Variants in ADAM12 observed in about 807,000 individuals in gnomAD.
ADAM12 encodes ADAM metallopeptidase domain 12, also known as disintegrin and metalloproteinase domain-containing protein 12.
In ADAM12, 70 loss-of-function variants were observed where a neutral mutation model predicts 106.4. The ratio of observed to expected loss-of-function variants is 0.66; its 90% CI spans 0.54 to 0.80. The LOEUF is 0.80. Among genes scored for constraint, ADAM12 ranks in the 30% least tolerant of loss-of-function variants. ADAM12 has a pLI of 0.00. For missense variants in ADAM12, 1,010 were observed against 1,171.9 expected (o/e 0.86, Z 2.02); for synonymous variants, 420 against 433.5 (o/e 0.97, Z 0.39).
intron 21 of ADAM12, 83 bp downstream of exon 21, chr10:126,036,063 G>A: frequency 8.1e-7 from 1 of 1,237,994 alleles, no homozygotes; most frequent in Non-Finnish European, 1.0e-6. Context: ...GAGAAGTTAA[G>A]CAACTTATCT....
chr10:126,116,522 G>A (rs561274250), intron 6 of ADAM12, among the ~76,000 whole-genome samples: 1 of 151,946 alleles, frequency 6.6e-6, no homozygotes, highest in African/African-American at 2.4e-5. Flanking sequence ...AGAGGTTGGG[G>A]GGGTAATTTT....
intron 2 of ADAM12, among the ~76,000 whole-genome samples, chr10:126,316,354 CG>C (rs1284483008): frequency 6.6e-6 from 1 of 152,122 alleles, no homozygotes; most frequent in African/African-American, 2.4e-5. Flanking sequence ...AATCTCTAAT[CG>C]TAATTTCTTC....
At chr10:126,048,565 G>C (rs1246319834) in intron 16 of ADAM12, among the ~76,000 whole-genome samples, 3 of 151,804 alleles carry the variant, frequency 2.0e-5, no homozygotes, top group Admixed American at 6.6e-5. Context: ...TCAAGACCAT[G>C]TTGAAAATGG....
chr10:126,127,360 T>G (rs1956223025), intron 5 of ADAM12, among the ~76,000 whole-genome samples: 1 of 152,234 alleles, frequency 6.6e-6, no homozygotes, highest in Admixed American at 6.5e-5. Flanking sequence ...TCATATGTTC[T>G]ACTGCACTTT....
chr10:126,264,378 A>G (rs1959058889), intron 3 of ADAM12, among the ~76,000 whole-genome samples: 1 of 152,206 alleles, frequency 6.6e-6, no homozygotes, highest in Non-Finnish European at 1.5e-5. Flanking sequence ...CTCTTTCTAA[A>G]TAAATCGTCT....
chr10:126,383,134 G>C (rs1564768852), intron 1 of ADAM12, among the ~76,000 whole-genome samples: 1 of 151,864 alleles, frequency 6.6e-6, no homozygotes, highest in Non-Finnish European at 1.5e-5. Context: ...TTTTTGTTGA[G>C]ATGTGGTGGG....
intron 3 of ADAM12, among the ~76,000 whole-genome samples, chr10:126,212,133 G>A (rs780646474): frequency 1.3e-5 from 2 of 152,172 alleles, no homozygotes; most frequent in African/African-American, 2.4e-5. Context: ...GCCAGGTACC[G>A]CACTGGTGAT....
chr10:126,193,264 C>CAAAAAAAAAAAAAAAAAAAAAAAAAA (rs757716875), intron 3 of ADAM12, among the ~76,000 whole-genome samples: 1 of 26,608 alleles, frequency 3.8e-5, no homozygotes, highest in Non-Finnish European at 1.0e-4. Flanking sequence ...GACTCCATCT[C>CAAAAAAAAAAAAAAAAAAAAAAAAAA]AAAAAAAAAA....
At chr10:126,328,887 T>C (rs150769256) in intron 2 of ADAM12, among the ~76,000 whole-genome samples, 1,580 of 152,228 alleles carry the variant, frequency 0.01, 21 homozygotes, top group African/African-American at 0.036. Context: ...GGTGGTAAGC[T>C]TGGCCAGCAG....
chr10:126,141,887 G>A (rs1005013714), intron 4 of ADAM12, among the ~76,000 whole-genome samples: 4 of 152,228 alleles, frequency 2.6e-5, no homozygotes, highest in African/African-American at 9.6e-5. Flanking sequence ...TCTTGATTAA[G>A]TGCTTGAATC....
rs539643423 is a variant in ADAM12, at chr10:126,268,377, G to A, written c.260+10538C>T. On this transcript the variant is annotated intron_variant, in intron 3 of 22. Coordinates refer to ENST00000448723, the MANE Select transcript of ADAM12 (RefSeq NM_001288973.2). ...CATTTTGTGGACTGATTCATCTGTC[G>A]ATGAACACTTGGGTTGTTCCCACCT... Among the ~76,000 whole-genome samples, 5 of 152,054 alleles carry A rather than the reference G, an allele frequency of 3.3e-5. No homozygotes were observed. The South Asian group carries it at 8.3e-4, about 25-fold the overall frequency.
chr10:126,108,740 G>C (rs1348349809), intron 7 of ADAM12, 76 bp from the exon 8 acceptor site: 1 of 1,373,842 alleles, frequency 7.3e-7, no homozygotes, highest in African/African-American at 1.4e-5. Flanking sequence ...TTCTGGAAAT[G>C]TGAAGTCTTG....
At chr10:126,058,335 G>A (rs1229451247) in intron 14 of ADAM12, among the ~76,000 whole-genome samples, 3 of 152,232 alleles carry the variant, frequency 2.0e-5, no homozygotes, top group Non-Finnish European at 4.4e-5. Flanking sequence ...TGCCCTTCCC[G>A]GAGGAAGTCA....
At chr10:126,344,785 A>G (rs561926113) in intron 1 of ADAM12, among the ~76,000 whole-genome samples, 3 of 152,094 alleles carry the variant, frequency 2.0e-5, no homozygotes, top group South Asian at 2.1e-4. Context: ...CTTTGAAGCA[A>G]TTGTGAATGG....
chr10:126,039,576 T>C (rs2133406499), intron 18 of ADAM12, 147 bp from the exon 19 acceptor site: 1 of 931,454 alleles, frequency 1.1e-6, no homozygotes, highest in South Asian at 1.7e-5. Flanking sequence ...ATAAACTGTC[T>C]TACTTCAGAT....
chr10:126,067,540 C>T (rs72839977), intron 12 of ADAM12, among the ~76,000 whole-genome samples: 1,937 of 152,354 alleles, frequency 0.013, 24 homozygotes, highest in Middle Eastern at 0.044. Context: ...ATGCTGTGCT[C>T]CACACGTACC....
chr10:126,145,420 C>T (rs532254669), intron 4 of ADAM12: 81 of 152,786 alleles, frequency 5.3e-4, no homozygotes, highest in African/African-American at 1.8e-3. Flanking sequence ...TAGCCAGAAA[C>T]GTATAACCAA....
chr10:126,024,836 T>C (rs575059509), intron 21 of ADAM12, among the ~76,000 whole-genome samples: 126 of 140,386 alleles, frequency 9.0e-4, no homozygotes, highest in Admixed American at 1.6e-3. Flanking sequence ...AGGAAACAAA[T>C]AGACACATGG....
intron 3 of ADAM12, among the ~76,000 whole-genome samples, chr10:126,269,031 T>C (rs1959156283): frequency 1.3e-5 from 2 of 152,142 alleles, no homozygotes; most frequent in African/African-American, 4.8e-5. Context: ...TTTTTATGGT[T>C]ATTTCTTGAT....
Sources: gnomAD v4.1 joint callset for allele counts (sites outside exome capture counted in the v4.1 genomes callset) on GRCh38, gnomAD v4.1.1 for gene constraint, MANE v1.5 for transcripts, NCBI Gene and HGNC (gene_info 2026-07-23, HGNC 2026-07-21) for gene names.